FER1L5: variants seen among roughly 807,000 people sequenced by gnomAD.
FER1L5 encodes fer-1 like family member 5, also known as fer-1-like protein 5.
Under a neutral mutation model 279.9 loss-of-function variants are expected in FER1L5, and 187 were observed. The observed-to-expected ratio is 0.67, with a 90% confidence interval of 0.59 to 0.75. The LOEUF is 0.75. Ranked by LOEUF, FER1L5 falls within the 30% of genes least tolerant of loss-of-function variation. The pLI, the probability that FER1L5 is intolerant of heterozygous loss-of-function variation, is 0.00. For synonymous variants in FER1L5, 921 were observed against 989.7 expected, an observed-to-expected ratio of 0.93 and a Z score of 1.30; for missense variants, 2,091 against 2,594.4, an observed-to-expected ratio of 0.81 and a Z score of 4.21.
At chr2:96,701,200 C>G (rs2077574278) in intron 45 of FER1L5, among the ~76,000 whole-genome samples, 1 of 152,218 alleles carries the variant, frequency 6.6e-6, no homozygotes, top group African/African-American at 2.4e-5. Context: ...ATCCCAGCTA[C>G]TCAGGAGGCT....
intron 1 of FER1L5, among the ~76,000 whole-genome samples, chr2:96,646,094 G>A (rs993507141): frequency 2.0e-4 from 30 of 149,062 alleles, no homozygotes; most frequent in African/African-American, 7.2e-4. Flanking sequence ...TGCCTCCTGG[G>A]TTCACACCCT....
chr2:96,664,150 A>G (rs1196606364), intron 14 of FER1L5, among the ~76,000 whole-genome samples: 1 of 150,380 alleles, frequency 6.6e-6, no homozygotes, highest in Non-Finnish European at 1.5e-5. Flanking sequence ...AGAGAGAGAG[A>G]GAGGAAGGAG....
chr2:96,694,232 TA>T lies in FER1L5; in HGVS notation c.3637-126del. The T allele has an allele frequency of 7.7e-7, 1 of 1,300,934 alleles. No homozygotes were observed. The highest frequency in any genetic ancestry group is 1.0e-6 in the Non-Finnish European group (1 of 970,150). The allele number at this position is 1,300,934 out of a possible 1,614,324, so 80.6% of individuals were successfully genotyped here. On this transcript the variant is annotated intron_variant, in intron 33 of 52. Coordinates refer to ENST00000624922, the MANE Select transcript of FER1L5 (RefSeq NM_001293083.2). The surrounding 1 kb of genome is among the most constrained non-coding windows in gnomAD (Gnocchi z 4.6). ...ACGCTGGCCTGACCAGCCTCTCCCC[TA>T]AGTCCCCCTGCCAGCCCCTACCCAT...
intron 19 of FER1L5, among the ~76,000 whole-genome samples, chr2:96,683,482 A>C (rs1482144377): frequency 6.6e-6 from 1 of 151,720 alleles, no homozygotes; most frequent in African/African-American, 2.4e-5. Flanking sequence ...TCATCCTAAC[A>C]CATTACATCT....
chr2:96,703,430 C>G, intron 50 of FER1L5, 84 bp downstream of exon 50: 1 of 1,603,662 alleles, frequency 6.2e-7, no homozygotes, highest in South Asian at 1.1e-5. Context: ...CTAGCTAAAT[C>G]CCTTTTCCTT....
chr2:96,670,658 C>T (rs987011608), intron 18 of FER1L5, among the ~76,000 whole-genome samples: 3 of 151,646 alleles, frequency 2.0e-5, no homozygotes, highest in African/African-American at 4.8e-5. Flanking sequence ...TGGTGGTGCA[C>T]GCCTGTAGTC....
rs1331259355 is a variant in FER1L5 at position 96,695,733 on chromosome 2, G to A, written c.3895-9G>A. On this transcript the variant is annotated splice_polypyrimidine_tract_variant and intron_variant, in intron 35 of 52. Coordinates refer to ENST00000624922, the MANE Select transcript of FER1L5 (RefSeq NM_001293083.2). ...GTCTCACGCTCCCCACGTCTCCTCG[G>A]GATTGCAGCTCATGCCGACGGAGGA... The A allele has an allele frequency of 6.2e-7, 1 of 1,611,726 alleles. No individual in the cohort carries two copies. Among genetic ancestry groups the A allele is most frequent in the African/African-American group, 1.3e-5 (1 of 74,902 alleles).
intron 32 of FER1L5, 86 bp downstream of exon 32, chr2:96,693,773 A>C: frequency 1.3e-6 from 2 of 1,489,394 alleles, no homozygotes; most frequent in Non-Finnish European, 1.8e-6. Flanking sequence ...AATGTATGGA[A>C]AGTGCTCCCA....
chr2:96,653,829 A>G (rs1229268908), intron 8 of FER1L5, 127 bp downstream of exon 8: 1 of 666,646 alleles, frequency 1.5e-6, no homozygotes, highest in African/African-American at 1.8e-5. Flanking sequence ...GATCCCCACC[A>G]CTTTCTTCAC....
chr2:96,695,903 A>C lies in FER1L5; in HGVS notation c.4056A>C (p.Pro1352=). 6.2e-7 allele frequency: 1 copy of C among 1,613,396 alleles called. No individual in the cohort carries two copies. The highest frequency in any genetic ancestry group is 1.1e-5 in the South Asian group (1 of 90,950). ...WAQDYMHPKL[P]TLSEKKHQDF... ...AAGACTATATGCACCCAAAGCTTCCAAGTACGGCCCTTCCTCCGTGCCTTT... is the reference window on the plus strand; with the variant it reads ...AAGACTATATGCACCCAAAGCTTCCCAGTACGGCCCTTCCTCCGTGCCTTT... The change falls in exon 36 of 53, where the codon CCA becomes CCC. Residue 1352 remains proline (P), a splice_region_variant and synonymous_variant. Transcript: ENST00000624922.
chr2:96,663,604 C>T (rs2106537885), intron 14 of FER1L5, 97 bp downstream of exon 14: 1 of 1,367,910 alleles, frequency 7.3e-7, no homozygotes, highest in Non-Finnish European at 1.0e-6. Context: ...AGGGTGGGGG[C>T]CAAAAAGCAT....
chr2:96,695,107 G>A (rs2077316511), intron 34 of FER1L5: 2 of 178,084 alleles, frequency 1.1e-5, no homozygotes, highest in African/African-American at 4.8e-5. Context: ...CGGCACAGGG[G>A]CCCTGAGAAA....
intron 31 of FER1L5, among the ~76,000 whole-genome samples, chr2:96,692,916 A>T (rs1006217004): frequency 1.3e-5 from 2 of 152,098 alleles, no homozygotes; most frequent in African/African-American, 4.8e-5. Context: ...GGTGACTCAC[A>T]CCTGTAATTC....
Position 96,659,461 on chromosome 2 carries a change from C to CTT in FER1L5, c.748-878_748-877dup, listed in dbSNP as rs1261793955. Among the ~76,000 whole-genome samples the CTT allele has an allele frequency of 9.3e-4, 24 of 25,908 alleles. 4 individuals are homozygous for CTT. Among genetic ancestry groups the CTT allele is most frequent in the African/African-American group, 4.7e-3 (14 of 2,958 alleles). The allele number at this position is 25,908 out of a possible 152,430, so 17.0% of individuals were successfully genotyped here. A position where few individuals can be genotyped will look rare whatever the true frequency, so the allele number is the denominator to read the frequency against. On this transcript the variant is annotated intron_variant, in intron 9 of 52. Coordinates refer to ENST00000624922, the MANE Select transcript of FER1L5 (RefSeq NM_001293083.2). ...TCTTTCTTTCTTTCTTTCTTTCTTT[C>CTT]TTTCTTTCTTTCTTTCTTTCTTTCT...
chr2:96,655,477 A>G (rs2106471025), intron 9 of FER1L5, among the ~76,000 whole-genome samples: 1 of 152,336 alleles, frequency 6.6e-6, no homozygotes, highest in Non-Finnish European at 1.5e-5. Context: ...GTCATTGTTC[A>G]TCTGAAATTT....
At chr2:96,659,451 TTC>T (rs1229816823) in intron 9 of FER1L5, among the ~76,000 whole-genome samples, 1 of 30,972 alleles carries the variant, frequency 3.2e-5, no homozygotes, top group East Asian at 7.2e-4. Flanking sequence ...CTTTCTTTCT[TTC>T]TTTCTTTCTT....
At chr2:96,665,901 C>T (rs995096898) in intron 14 of FER1L5, among the ~76,000 whole-genome samples, 2 of 152,054 alleles carry the variant, frequency 1.3e-5, no homozygotes, top group Non-Finnish European at 2.9e-5. Context: ...CATCTTCTTA[C>T]AGGCTCAGAA....
intron 9 of FER1L5, among the ~76,000 whole-genome samples, chr2:96,659,736 C>A (rs1188375494): frequency 6.6e-6 from 1 of 151,780 alleles, no homozygotes; most frequent in Non-Finnish European, 1.5e-5. Context: ...CTTGATCCGC[C>A]TGCCTCAGCC....
rs962592237 is a variant in FER1L5, at chr2:96,693,794, C to T, written c.3474+107C>T. On this transcript the variant is annotated intron_variant, in intron 32 of 52. Coordinates refer to ENST00000624922, the MANE Select transcript of FER1L5 (RefSeq NM_001293083.2). ...TGGAAAGTGCTCCCATGAGGCCTGA[C>T]GTGCAGACAGCACCATGGAAATTCA... The T allele has an allele frequency of 3.1e-5, 46 of 1,475,414 alleles. No homozygotes were observed. The African/African-American group carries it at 5.4e-4, about 17-fold the overall frequency. 91.4% of individuals were successfully genotyped at this position (1,475,414 alleles called of 1,614,324 possible).
Sources: gnomAD v4.1 joint callset for allele counts (sites outside exome capture counted in the v4.1 genomes callset) on GRCh38, gnomAD v4.1.1 for gene constraint, Gnocchi (gnomAD v3.1) non-coding constraint, MANE v1.5 for transcripts, NCBI Gene and HGNC (gene_info 2026-07-23, HGNC 2026-07-21) for gene names.